The following LAMC2 variants were observed in gnomAD, a reference collection of about 807,000 sequenced individuals.
LAMC2 encodes laminin subunit gamma-2.
LAMC2 carries 97 observed loss-of-function variants against 140.2 expected under a neutral mutation model. The observed-to-expected ratio is 0.69, with a 90% CI of 0.59 to 0.82. LAMC2 has a LOEUF of 0.82. LAMC2 is among the 40% of genes least tolerant of loss of function. LAMC2 has a pLI of 0.00. For missense variants in LAMC2, 1,402 were observed against 1,476.1 expected, an observed-to-expected ratio of 0.95 and a Z score of 0.82; for synonymous variants, 513 against 540.2, an observed-to-expected ratio of 0.95 and a Z score of 0.70.
chr1:183,231,248 G>A (rs1266020375), intron 12 of LAMC2, 145 bp downstream of exon 12: 4 of 971,462 alleles, frequency 4.1e-6, no homozygotes, highest in South Asian at 1.5e-5. Flanking sequence ...AAAAATTGCT[G>A]CATTAAAAAA....
At position 183,236,469 on chromosome 1, in the gene LAMC2, A is replaced by C. The variant is rs756641872; in HGVS notation, c.2466A>C (p.Lys822Asn). The C allele has an allele frequency of 1.2e-6, 2 of 1,613,868 alleles. No homozygotes were observed. Among genetic ancestry groups the C allele is most frequent in the South Asian group, 2.2e-5 (2 of 91,064 alleles). The change falls in exon 17 of 23, where the codon AAA (lysine) becomes AAC (asparagine). Residue 822 changes from lysine (K) to asparagine (N), a missense_variant. Physicochemically the swap from Lys to Asn is moderately conservative, Grantham distance 94. Around this residue, in one of 3 missense-constraint regions of LAMC2, gnomAD observed 670 missense variants for 667.2 expected, o/e 1.00. Coordinates refer to ENST00000264144, the MANE Select transcript of LAMC2 (RefSeq NM_005562.3). Reference protein sequence around the residue: ...VVQGLVEKLEKTKSLAQQLTR... With the variant: ...VVQGLVEKLENTKSLAQQLTR... ...CCACCCCCAACACCAGATTGGAGAA[A>C]ACCAAGTCCCTGGCCCAGCAGTTGA...
At chr1:183,235,431 C>G (rs1363163281) in intron 15 of LAMC2, 144 bp from the exon 16 acceptor site, 2 of 879,378 alleles carry the variant, frequency 2.3e-6, no homozygotes, top group East Asian at 5.3e-5. Flanking sequence ...GACAGCACCT[C>G]TAATTCCATG....
At chr1:183,206,423 C>T (rs1320852697) in intron 1 of LAMC2, among the ~76,000 whole-genome samples, 1 of 152,194 alleles carries the variant, frequency 6.6e-6, no homozygotes, top group African/African-American at 2.4e-5. Context: ...GCAGGCGGAT[C>T]ACCTGAGGTC....
At chr1:183,213,660 T>A (rs1304221972) in intron 2 of LAMC2, among the ~76,000 whole-genome samples, 1 of 133,546 alleles carries the variant, frequency 7.5e-6, no homozygotes, top group Non-Finnish European at 1.5e-5. Flanking sequence ...ATTAGCCAGG[T>A]GTGGTGGCAC....
chr1:183,235,591 A>G lies in LAMC2; in HGVS notation c.2317A>G (p.Ser773Gly). 1 of 1,614,258 alleles carries G rather than the reference A, an allele frequency of 6.2e-7. No individual in the cohort carries two copies. The highest frequency in any genetic ancestry group is 8.5e-7 in the Non-Finnish European group (1 of 1,180,042). The part of the protein sequence containing the change: ...RLAESHVESA[S>G]NMEQLTRETE... The stretch of plus-strand genomic sequence containing the variant: ...TCCTTTCAGCCACGTTGAGTCAGCC[A>G]GTAACATGGAGCAACTGACAAGGGA... Residue 773 changes from serine (S) to glycine (G), a missense_variant, in exon 16 of 23, where the codon AGT becomes GGT. By Grantham distance (56) the Ser-to-Gly change is moderately conservative (BLOSUM62 0). Coordinates refer to ENST00000264144, the MANE Select transcript of LAMC2 (RefSeq NM_005562.3).
the LAMC2 span, chr1:183,252,851 T>A: frequency 2.6e-6 from 2 of 782,728 alleles, no homozygotes; most frequent in South Asian, 1.5e-5. Context: ...TTTTCTCAGG[T>A]TGAGTAAATA....
chr1:183,255,255 A>T, the LAMC2 span, among the ~76,000 whole-genome samples: 1,744 of 152,294 alleles, frequency 0.011, 42 homozygotes, highest in African/African-American at 0.039. Context: ...TGGGCTCACT[A>T]TTCGGTTCCA....
Position 183,236,495 on chromosome 1 carries a change from C to G in LAMC2, c.2492C>G (p.Thr831Arg), listed in dbSNP as rs375808543. 3 of 1,613,390 alleles carry G rather than the reference C, an allele frequency of 1.9e-6. No homozygotes were observed. Among genetic ancestry groups the G allele is most frequent in the African/African-American group, 2.7e-5 (2 of 74,722 alleles). The change falls in exon 17 of 23, where the codon ACA becomes AGA. Residue 831 changes from threonine to arginine, a missense_variant. Coordinates refer to ENST00000264144, the MANE Select transcript of LAMC2 (RefSeq NM_005562.3). The part of the protein sequence containing the change: ...EKTKSLAQQL[T>R]REATQAEIEA... ...ACCAAGTCCCTGGCCCAGCAGTTGA[C>G]AAGGGAGGCCACTCAAGCGGAAATT...
intron 4 of LAMC2, 135 bp downstream of exon 4, chr1:183,218,623 T>C (rs909334259): frequency 1.1e-5 from 8 of 745,876 alleles, no homozygotes; most frequent in Admixed American, 2.1e-5. Context: ...CTCTCTGTCC[T>C]CAAAAACTAA....
At position 183,243,556 on chromosome 1, in the gene LAMC2, G is replaced by A. The variant is rs1660183932; in HGVS notation, c.*156G>A. 2 of 890,052 alleles carry A rather than the reference G, an allele frequency of 2.2e-6. No homozygotes were observed. The highest frequency in any genetic ancestry group is 1.5e-5 in the South Asian group (1 of 68,248). The allele number at this position is 890,052 out of a possible 1,614,324, so 55.1% of individuals were successfully genotyped here. A position where few individuals can be genotyped will look rare whatever the true frequency, so the allele number is the denominator to read the frequency against. ...GACCCCATTCCTGATCCCATGGCCA[G>A]GTGGTTGTCTTATTGCACCATACTC... On this transcript the variant is annotated 3_prime_UTR_variant, in exon 23 of 23. Coordinates refer to ENST00000264144, the MANE Select transcript of LAMC2 (RefSeq NM_005562.3).
intron 2 of LAMC2, among the ~76,000 whole-genome samples, chr1:183,208,984 T>TTG (rs145265096): frequency 5.6e-4 from 51 of 90,578 alleles, no homozygotes; most frequent in Admixed American, 4.1e-3. Context: ...TGGCTAGTTG[T>TTG]TTTTTTTTTT....
intron 3 of LAMC2, among the ~76,000 whole-genome samples, chr1:183,216,110 T>C (rs1180452934): frequency 1.3e-5 from 2 of 152,206 alleles, no homozygotes; most frequent in Non-Finnish European, 2.9e-5. Flanking sequence ...TGGCAAGTGT[T>C]GGGATGGCTT....
chr1:183,195,694 A>G (rs1223420565), intron 1 of LAMC2, among the ~76,000 whole-genome samples: 1 of 152,202 alleles, frequency 6.6e-6, no homozygotes, highest in Admixed American at 6.5e-5. Flanking sequence ...TTAGTGAGAG[A>G]AGTACCATTT....
chr1:183,202,883 G>C (rs1318420409), intron 1 of LAMC2, among the ~76,000 whole-genome samples: 1 of 152,164 alleles, frequency 6.6e-6, no homozygotes, highest in Non-Finnish European at 1.5e-5. Flanking sequence ...CTAGAACTCA[G>C]GGAAGGTCCA....
chr1:183,204,111 G>T (rs946152076), intron 1 of LAMC2, among the ~76,000 whole-genome samples: 1 of 152,034 alleles, frequency 6.6e-6, no homozygotes, highest in Non-Finnish European at 1.5e-5. Flanking sequence ...GCAATACCAC[G>T]AGAACCTGTC....
chr1:183,239,261 A>G (rs757283695), intron 19 of LAMC2, 103 bp from the exon 20 acceptor site: 14 of 1,023,192 alleles, frequency 1.4e-5, no homozygotes, highest in Non-Finnish European at 2.2e-5. Context: ...CCCAGTCAGT[A>G]ATAACACTCT....
chr1:183,249,835 T>C (rs976042293), downstream of LAMC2: 1 of 152,124 alleles, frequency 6.6e-6, no homozygotes, highest in African/African-American at 2.4e-5. Context: ...GTACAGTGCC[T>C]GTAATCCACA....
At chr1:183,211,917 A>C (rs989256517) in intron 2 of LAMC2, among the ~76,000 whole-genome samples, 1 of 152,130 alleles carries the variant, frequency 6.6e-6, no homozygotes, top group African/African-American at 2.4e-5. Context: ...AATTTGAAAC[A>C]GGAAGTTATT....
At chr1:183,196,065 G>A (rs1310609936) in intron 1 of LAMC2, among the ~76,000 whole-genome samples, 1 of 152,064 alleles carries the variant, frequency 6.6e-6, no homozygotes, top group Admixed American at 6.6e-5. Context: ...TAAATGACAG[G>A]TAGTATCTTG....
Sources: allele counts gnomAD v4.1 joint callset (sites outside exome capture counted in the v4.1 genomes callset), GRCh38; gene constraint gnomAD v4.1.1; regional missense constraint gnomAD v4.1.1; transcripts MANE v1.5; gene names NCBI Gene and HGNC (gene_info 2026-07-23, HGNC 2026-07-21).